Variants in GDAP1 observed in about 807,000 individuals in gnomAD.
GDAP1 encodes the protein ganglioside induced differentiation associated protein 1.
In GDAP1, 34 loss-of-function variants were observed where a neutral mutation model predicts 40.1. That is an observed-to-expected ratio of 0.85 (90% CI 0.64 to 1.13). The LOEUF (loss-of-function observed/expected upper bound fraction) is 1.13, where lower values mean the gene tolerates loss of function less well. Among genes scored for constraint, GDAP1 ranks in the 50% most tolerant of loss-of-function variants. The probability of loss-of-function intolerance (pLI) is 0.00; values close to 1 mark genes in which losing one functional copy is unlikely to be tolerated. For missense variants in GDAP1, 374 were observed against 433.7 expected (o/e 0.86, Z 1.22); for synonymous variants, 170 against 157.4 (o/e 1.08, Z -0.60).
At chr8:74,447,231 T>TA (rs1484016251) in intron 2 of GDAP1, among the ~76,000 whole-genome samples, 1 of 152,148 alleles carries the variant, frequency 6.6e-6, no homozygotes, top group Non-Finnish European at 1.5e-5. Context: ...GTCTTCCAAT[T>TA]AATGTCGTTA....
chr8:74,462,009 T>A (rs761087697), intron 2 of GDAP1, among the ~76,000 whole-genome samples: 13 of 152,234 alleles, frequency 8.5e-5, no homozygotes, highest in Non-Finnish European at 1.5e-4. Context: ...CACTGAGTCT[T>A]AGAATAAACA....
chr8:74,399,724 C>T (rs7834621), intron 2 of GDAP1, among the ~76,000 whole-genome samples: 5,759 of 116,076 alleles, frequency 0.05, 212 homozygotes, highest in African/African-American at 0.11. Context: ...GCTTTGAATG[C>T]GTCCCAGAGA....
rs1808867837 is a variant in GDAP1, at chr8:74,351,406, GA to G, written c.254del (p.Asn85ThrfsTer2). On this transcript the variant is annotated frameshift_variant, in exon 2 of 6. Coordinates refer to ENST00000220822, the MANE Select transcript of GDAP1 (RefSeq NM_018972.4). LOFTEE classifies it high-confidence loss of function. ...TGEVPVLIHG[E>X]NIICEATQII... ...AGAAGTGCCTGTCCTTATCCACGGGGAAAACATAATTTGTGAGGCCACTCAG... is the reference window on the plus strand; with the variant it reads ...AGAAGTGCCTGTCCTTATCCACGGGGAAACATAATTTGTGAGGCCACTCAG... The G allele has an allele frequency of 1.2e-6, 2 of 1,613,938 alleles. No homozygotes were observed. The highest frequency in any genetic ancestry group is 1.7e-6 in the Non-Finnish European group (2 of 1,179,898).
intron 2 of GDAP1, among the ~76,000 whole-genome samples, chr8:74,372,898 A>G (rs1485090046): frequency 1.3e-5 from 2 of 152,146 alleles, no homozygotes; most frequent in African/African-American, 4.8e-5. Flanking sequence ...TTATGGTTTT[A>G]GGTCTAACAT....
rs1316529739 is a variant in GDAP1, at chr8:74,366,817, G to A, written c.*2450G>A. 2.2e-6 allele frequency: 1 copy of A among 452,862 alleles called. No homozygotes were observed. Among genetic ancestry groups the A allele is most frequent in the Non-Finnish European group, 4.4e-6 (1 of 226,410 alleles). The allele number at this position is 452,862 out of a possible 1,614,324, so 28.1% of individuals were successfully genotyped here. On this transcript the variant is annotated 3_prime_UTR_variant, in exon 6 of 6. Transcript: ENST00000220822. ...TTGTTGAATGCAGTAGAGAGACCAA[G>A]ACACTATTCTGTAAGATCAATAAAA...
intron 5 of GDAP1, among the ~76,000 whole-genome samples, chr8:74,363,617 A>C (rs1809477683): frequency 6.6e-6 from 1 of 152,224 alleles, no homozygotes; most frequent in Non-Finnish European, 1.5e-5. Flanking sequence ...ACTCAGCTTT[A>C]TGGATTTTTC....
intron 2 of GDAP1, among the ~76,000 whole-genome samples, chr8:74,400,280 A>G (rs981398020): frequency 1.0e-4 from 15 of 149,870 alleles, no homozygotes; most frequent in Admixed American, 2.0e-4. Flanking sequence ...CTTCTTGTTG[A>G]ATTGATCCCT....
At chr8:74,360,557 G>C (rs1004721371) in intron 3 of GDAP1, among the ~76,000 whole-genome samples, 1 of 152,112 alleles carries the variant, frequency 6.6e-6, no homozygotes, top group Non-Finnish European at 1.5e-5. Context: ...GGCCAATCTT[G>C]GGTAAAACTC....
At chr8:74,392,501 T>C (rs1810125521) in intron 2 of GDAP1, among the ~76,000 whole-genome samples, 2 of 152,248 alleles carry the variant, frequency 1.3e-5, no homozygotes, top group Non-Finnish European at 2.9e-5. Flanking sequence ...TGTTGTTGCA[T>C]GCTTTTATCT....
chr8:74,390,554 C>T (rs1017149913), intron 2 of GDAP1, among the ~76,000 whole-genome samples: 2 of 152,180 alleles, frequency 1.3e-5, no homozygotes, highest in African/African-American at 4.8e-5. Flanking sequence ...TTTGTAGAAG[C>T]TTCGTCCCAG....
chr8:74,375,629 T>C lies in GDAP1; in HGVS notation c.165+24308T>C, dbSNP rs1454889753. Among the ~76,000 whole-genome samples the C allele has an allele frequency of 4.6e-5, 7 of 152,278 alleles. No individual in the cohort carries two copies. The East Asian group carries it at 1.4e-3, about 29-fold the overall frequency. On this transcript the variant is annotated intron_variant, in intron 2 of 2. Coordinates refer to the GDAP1 transcript ENST00000523640. ...CAGGATACTAGAAATAGAAGGAAAC[T>C]TCCTCACCCTGATGAAGACATCCAT... is the stretch of plus-strand genomic sequence containing the variant.
At chr8:74,441,917 C>T (rs1806166891) in intron 2 of GDAP1, among the ~76,000 whole-genome samples, 1 of 152,142 alleles carries the variant, frequency 6.6e-6, no homozygotes, top group Admixed American at 6.5e-5. Context: ...CCCATATCCA[C>T]CTCTCCCCAT....
rs527934953 is a variant in GDAP1, at chr8:74,419,441, T to A, written c.165+68120T>A. 4.6e-5 allele frequency among the ~76,000 whole-genome samples: 7 copies of A among 152,312 alleles called. No homozygotes were observed. In the South Asian group the frequency reaches 1.5e-3, roughly 32 times the overall value. On this transcript the variant is annotated intron_variant, in intron 2 of 2. Transcript: ENST00000523640. ...CTCAACAGGTTACATTCCATTTATA[T>A]TACATTCTTGGAAAGAAAAAACTGT... is the stretch of plus-strand genomic sequence containing the variant.
At chr8:74,399,543 A>G (rs1247864278) in intron 2 of GDAP1, among the ~76,000 whole-genome samples, 18 of 143,420 alleles carry the variant, frequency 1.3e-4, no homozygotes, top group African/African-American at 5.7e-5. Context: ...TTGTGTCTCT[A>G]TTTCCTTCAG....
In GDAP1 at chr8:74,397,409, T is replaced by A. The variant is rs184107717; in HGVS notation, c.165+46088T>A. 1.9e-3 allele frequency among the ~76,000 whole-genome samples: 292 copies of A among 152,300 alleles called. 1 individual carries two copies. Among genetic ancestry groups the A allele is most frequent in the African/African-American group, 6.6e-3 (275 of 41,570 alleles). On this transcript the variant is annotated intron_variant, in intron 2 of 2. Coordinates refer to the GDAP1 transcript ENST00000523640. ...GCTTTTGTTGCCGTTGCTTTTGGTG[T>A]TTTAGTCGTGAAGTCCTTGCCCATG...
intron 2 of GDAP1, among the ~76,000 whole-genome samples, chr8:74,482,757 C>G (rs949469853): frequency 1.2e-4 from 18 of 152,122 alleles, no homozygotes; most frequent in African/African-American, 4.3e-4. Flanking sequence ...AATATTTGAG[C>G]CTGTGATTCT....
chr8:74,395,978 G>C (rs1168568855), intron 2 of GDAP1, among the ~76,000 whole-genome samples: 1 of 152,282 alleles, frequency 6.6e-6, no homozygotes, highest in East Asian at 1.9e-4. Context: ...AACAGAGTAA[G>C]AGTAAATGTC....
chr8:74,471,457 A>T (rs1249487590), intron 2 of GDAP1, among the ~76,000 whole-genome samples: 39 of 136,246 alleles, frequency 2.9e-4, no homozygotes, highest in South Asian at 1.3e-3. Flanking sequence ...TTTTTTTTTT[A>T]AAAAAAATAA....
At chr8:74,401,221 G>T (rs1460416512) in intron 2 of GDAP1, among the ~76,000 whole-genome samples, 1 of 148,960 alleles carries the variant, frequency 6.7e-6, no homozygotes, top group Non-Finnish European at 1.5e-5. Flanking sequence ...TTTTCACATA[G>T]TCCCATATTT....
Sources: allele counts gnomAD v4.1 joint callset (sites outside exome capture counted in the v4.1 genomes callset), GRCh38; gene constraint gnomAD v4.1.1; transcripts MANE v1.5; gene names NCBI Gene and HGNC (gene_info 2026-07-23, HGNC 2026-07-21).